The following C12orf42 variants were observed in gnomAD, a reference collection of about 807,000 sequenced individuals.
C12orf42 encodes uncharacterized protein C12orf42.
Under a neutral mutation model 21.6 loss-of-function variants are expected in C12orf42, and 25 were observed. That is an observed-to-expected ratio of 1.16 (90% CI 0.84 to 1.62). The LOEUF is 1.62. Among genes scored for constraint, C12orf42 ranks in the 40% most tolerant of loss-of-function variants. The pLI is 0.00. For synonymous variants in C12orf42, 174 were observed against 175.0 expected, an observed-to-expected ratio of 0.99 and a Z score of 0.05; for missense variants, 483 against 459.3, an observed-to-expected ratio of 1.05 and a Z score of -0.47.
chr12:103,217,112 G>T, the C12orf42 span, among the ~76,000 whole-genome samples: 1 of 152,078 alleles, frequency 6.6e-6, no homozygotes, highest in Non-Finnish European at 1.5e-5. Context: ...CAAAGTGCTG[G>T]GATTACAAGC....
the C12orf42 span, among the ~76,000 whole-genome samples, chr12:103,231,117 G>T: frequency 6.6e-6 from 1 of 152,052 alleles, no homozygotes; most frequent in Non-Finnish European, 1.5e-5. Flanking sequence ...TAATTTTGTT[G>T]TGGTCTGACA....
At chr12:103,321,192 A>C (rs1411849480) in intron 4 of C12orf42, among the ~76,000 whole-genome samples, 1 of 151,374 alleles carries the variant, frequency 6.6e-6, no homozygotes, top group Admixed American at 6.6e-5. Flanking sequence ...ACCCCATCAC[A>C]AAGTGGGCGA....
At chr12:103,287,473 C>A (rs1248296862) in intron 4 of C12orf42, among the ~76,000 whole-genome samples, 2 of 151,836 alleles carry the variant, frequency 1.3e-5, no homozygotes, top group Admixed American at 6.6e-5. Context: ...CCAAACACCG[C>A]ATGTTCTCAC....
chr12:103,489,343 C>A (rs1565905108), intron 1 of C12orf42, among the ~76,000 whole-genome samples: 1 of 152,196 alleles, frequency 6.6e-6, no homozygotes, highest in East Asian at 1.9e-4. Context: ...GAGGGGCACC[C>A]ACCTGTATGA....
At chr12:103,099,532 A>G in the C12orf42 span, among the ~76,000 whole-genome samples, 1 of 152,222 alleles carries the variant, frequency 6.6e-6, no homozygotes, top group Non-Finnish European at 1.5e-5. Context: ...AAGAATTTTT[A>G]TCACTTTGAC....
intron 10 of C12orf42, among the ~76,000 whole-genome samples, chr12:103,251,501 G>T (rs2034302778): frequency 6.6e-6 from 1 of 152,120 alleles, no homozygotes; most frequent in Non-Finnish European, 1.5e-5. Flanking sequence ...TGCAGTCCTT[G>T]TGCTGAGTCT....
At chr12:103,166,842 T>C in the C12orf42 span, among the ~76,000 whole-genome samples, 2 of 152,204 alleles carry the variant, frequency 1.3e-5, no homozygotes, top group Admixed American at 6.5e-5. Context: ...TTTTTTTCCT[T>C]ATGTTGTTCT....
the C12orf42 span, among the ~76,000 whole-genome samples, chr12:103,058,934 AG>A: frequency 8.5e-5 from 13 of 152,302 alleles, no homozygotes; most frequent in Middle Eastern, 3.4e-3. Context: ...GAGAAACAAG[AG>A]CAAACTCAAA....
At chr12:103,512,894 C>G in the C12orf42 span, among the ~76,000 whole-genome samples, 1 of 151,876 alleles carries the variant, frequency 6.6e-6, no homozygotes, top group African/African-American at 2.4e-5. Context: ...CCCAGCTACC[C>G]TGGAGGCTGA....
At chr12:103,262,386 G>A (rs1008975966) in intron 10 of C12orf42, 2 of 152,160 alleles carry the variant, frequency 1.3e-5, no homozygotes, top group East Asian at 1.9e-4. Context: ...TTAGTATAAT[G>A]TTAAGTTTTA....
chr12:103,426,569 C>G (rs1028075634), intron 2 of C12orf42, among the ~76,000 whole-genome samples: 1 of 152,158 alleles, frequency 6.6e-6, no homozygotes, highest in Non-Finnish European at 1.5e-5. Flanking sequence ...CTTCCCCAAC[C>G]TAGCAAGACA....
chr12:103,076,968 A>G, the C12orf42 span, among the ~76,000 whole-genome samples: 1 of 152,222 alleles, frequency 6.6e-6, no homozygotes. Flanking sequence ...CCTATGCTAT[A>G]TTGATGTTCA....
intron 2 of C12orf42, among the ~76,000 whole-genome samples, chr12:103,473,838 C>T (rs922363770): frequency 2.0e-5 from 3 of 152,304 alleles, no homozygotes; most frequent in South Asian, 2.1e-4. Context: ...ACCCAAGACT[C>T]TCAGCTCCCT....
chr12:103,552,750 T>C, the C12orf42 span, among the ~76,000 whole-genome samples: 3 of 152,190 alleles, frequency 2.0e-5, no homozygotes, highest in African/African-American at 7.2e-5. Context: ...ATTTTCACAC[T>C]GCTATAAAGA....
chr12:103,502,555 T>C, the C12orf42 span, among the ~76,000 whole-genome samples: 3 of 152,144 alleles, frequency 2.0e-5, no homozygotes, highest in Non-Finnish European at 4.4e-5. Context: ...CAGGTTTTCA[T>C]AGAACCTACA....
the C12orf42 span, among the ~76,000 whole-genome samples, chr12:103,096,091 G>A: frequency 1.2e-3 from 177 of 152,264 alleles, 3 homozygotes; most frequent in Admixed American, 0.01. Flanking sequence ...GTAGTTCATG[G>A]TCTCAAAATT....
chr12:103,339,573 C>T (rs1168502913), intron 4 of C12orf42, among the ~76,000 whole-genome samples: 1 of 151,994 alleles, frequency 6.6e-6, no homozygotes, highest in African/African-American at 2.4e-5. Flanking sequence ...TACATATGGC[C>T]AACAATCATA....
intron 4 of C12orf42, among the ~76,000 whole-genome samples, chr12:103,359,797 C>G (rs1371139521): frequency 6.6e-6 from 1 of 151,982 alleles, no homozygotes. Context: ...GAACCCATCT[C>G]TTACTCACTT....
chr12:103,061,866 A>G, the C12orf42 span, among the ~76,000 whole-genome samples: 2 of 151,564 alleles, frequency 1.3e-5, no homozygotes, highest in Admixed American at 1.3e-4. Context: ...TGTTGATTTT[A>G]TATATATCAT....
Sources: gnomAD v4.1 joint callset for allele counts (sites outside exome capture counted in the v4.1 genomes callset) on GRCh38, gnomAD v4.1.1 for gene constraint, MANE v1.5 for transcripts, NCBI Gene and HGNC (gene_info 2026-07-23, HGNC 2026-07-21) for gene names.